PRKN: variants seen among roughly 807,000 people sequenced by gnomAD.
PRKN encodes the protein parkin RBR E3 ubiquitin protein ligase, also known as E3 ubiquitin-protein ligase parkin.
Under a neutral mutation model 59.5 loss-of-function variants are expected in PRKN, and 56 were observed. The ratio of observed to expected loss-of-function variants is 0.94; its 90% CI spans 0.76 to 1.18. PRKN has a LOEUF of 1.18. Among genes scored for constraint, PRKN ranks in the 50% most tolerant of loss-of-function variants. PRKN has a pLI of 0.00. For missense variants in PRKN, 657 were observed against 596.4 expected, an observed-to-expected ratio of 1.10 and a Z score of -1.06; for synonymous variants, 250 against 222.1, an observed-to-expected ratio of 1.13 and a Z score of -1.12.
chr6:162,672,551 T>G (rs1779364164), intron 1 of PRKN, among the ~76,000 whole-genome samples: 1 of 152,214 alleles, frequency 6.6e-6, no homozygotes, highest in South Asian at 2.1e-4. Flanking sequence ...TCATTAAAAC[T>G]GATTAAATAT....
rs569954269 is a variant in PRKN, at chr6:161,588,862, G to A, written c.872-19446C>T. On this transcript the variant is annotated intron_variant, in intron 7 of 11. Coordinates refer to ENST00000366898, the MANE Select transcript of PRKN (RefSeq NM_004562.3). This position sits in a 1 kb window ranked among gnomAD's most constrained non-coding sequence, Gnocchi z 5.0. The stretch of plus-strand genomic sequence containing the variant: ...AAATACAGGACACCCAGTTAAATTT[G>A]AGTTTCAGTAAAGTACCAAGTCCTT... Among the ~76,000 whole-genome samples the A allele has an allele frequency of 6.6e-5, 10 of 152,258 alleles. 1 individual carries two copies. In the South Asian group the frequency reaches 2.1e-3, roughly 32 times the overall value.
rs1779915341 is a variant in PRKN, at chr6:161,549,295, A to G, written c.934-292T>C. Among the ~76,000 whole-genome samples, 3 of 152,214 alleles carry G rather than the reference A, an allele frequency of 2.0e-5. No homozygotes were observed. On this transcript the variant is annotated intron_variant, in intron 8 of 11. Transcript: ENST00000366898. The surrounding 1 kb of genome is among the most constrained non-coding windows in gnomAD (Gnocchi z 6.0). The stretch of plus-strand genomic sequence containing the variant: ...TAGATTTTCCAAAGTTTTGTATTTT[A>G]TAAGATCGCTTCTACCAACTGTATT...
intron 7 of PRKN, among the ~76,000 whole-genome samples, chr6:161,651,580 G>A (rs1209317886): frequency 6.6e-6 from 1 of 152,204 alleles, no homozygotes; most frequent in African/African-American, 2.4e-5. Context: ...TCCAGGGGCT[G>A]TGAGTAGCAT....
chr6:162,075,527 T>C (rs1456468952), intron 4 of PRKN, among the ~76,000 whole-genome samples: 1 of 152,034 alleles, frequency 6.6e-6, no homozygotes, highest in East Asian at 1.9e-4. Flanking sequence ...TTATAAAAAG[T>C]CCACATTGTA....
At chr6:162,700,114 C>G (rs1043843356) in intron 1 of PRKN, among the ~76,000 whole-genome samples, 4 of 152,162 alleles carry the variant, frequency 2.6e-5, no homozygotes, top group Non-Finnish European at 5.9e-5. Context: ...TCTCTCCTTT[C>G]CCTATGAAGA....
intron 1 of PRKN, among the ~76,000 whole-genome samples, chr6:162,653,423 C>A (rs1430093992): frequency 1.3e-5 from 2 of 152,044 alleles, no homozygotes; most frequent in Non-Finnish European, 2.9e-5. Flanking sequence ...TTTTAAAAAT[C>A]AACTCATAAT....
intron 6 of PRKN, among the ~76,000 whole-genome samples, chr6:161,951,460 G>T (rs1779987330): frequency 6.6e-6 from 1 of 152,176 alleles, no homozygotes; most frequent in Admixed American, 6.5e-5. Context: ...GCCCAGGAGG[G>T]TGTCCCAAAG....
At position 161,957,403 on chromosome 6, in the gene PRKN, CTTG is replaced by C. The variant is rs1395871614; in HGVS notation, c.734+15896_734+15898del. Among the ~76,000 whole-genome samples the C allele has an allele frequency of 2.4e-4, 33 of 135,694 alleles. No homozygotes were observed. The East Asian group carries it at 5.3e-3, about 22-fold the overall frequency. 89.0% of individuals were successfully genotyped at this position (135,694 alleles called of 152,430 possible). Reference sequence around the variant, plus strand: ...TGTCTGTTTTTATTTTTTTGTTGTTCTTGTTGTTTTTTTTTTGTTTGTTTGTTT... The same window carrying C: ...TGTCTGTTTTTATTTTTTTGTTGTTCTTGTTTTTTTTTTGTTTGTTTGTTT... On this transcript the variant is annotated intron_variant, in intron 6 of 11. Transcript: ENST00000366898.
chr6:162,506,608 T>G (rs1793618301), intron 1 of PRKN, among the ~76,000 whole-genome samples: 1 of 151,998 alleles, frequency 6.6e-6, no homozygotes, highest in Admixed American at 6.6e-5. Flanking sequence ...GTGATTAAAG[T>G]TTAGGAAGAG....
rs1211446790 is a variant in PRKN, at chr6:161,355,350, C to T, written c.1285+4738G>A. Among the ~76,000 whole-genome samples, 1 of 152,152 alleles carries T rather than the reference C, an allele frequency of 6.6e-6. No individual in the cohort carries two copies. The highest frequency in any genetic ancestry group is 2.4e-5 in the African/African-American group (1 of 41,430). ...CTCTATGTTATTTTATTAAAAAGATCGGTTTATGTGTATATCTCTAAACTT... is the reference window on the plus strand; with the variant it reads ...CTCTATGTTATTTTATTAAAAAGATTGGTTTATGTGTATATCTCTAAACTT... On this transcript the variant is annotated intron_variant, in intron 11 of 11. Coordinates refer to ENST00000366898, the MANE Select transcript of PRKN (RefSeq NM_004562.3). This position sits in a 1 kb window ranked among gnomAD's most constrained non-coding sequence, Gnocchi z 6.8.
chr6:161,903,399 A>C (rs1313161965), intron 6 of PRKN, among the ~76,000 whole-genome samples: 1 of 152,174 alleles, frequency 6.6e-6, no homozygotes, highest in Non-Finnish European at 1.5e-5. Flanking sequence ...TCTGAGTCAA[A>C]AAGATGAATA....
At chr6:162,170,522 A>T (rs894375058) in intron 4 of PRKN, among the ~76,000 whole-genome samples, 1 of 152,234 alleles carries the variant, frequency 6.6e-6, no homozygotes, top group African/African-American at 2.4e-5. Context: ...TTTAGAAAAG[A>T]TATTATTTTC....
chr6:162,274,738 T>A (rs1194572542), intron 2 of PRKN, among the ~76,000 whole-genome samples: 1 of 152,138 alleles, frequency 6.6e-6, no homozygotes, highest in African/African-American at 2.4e-5. Context: ...GCCAGTTGCA[T>A]ATGGGTGGTA....
chr6:161,756,593 C>G (rs924377927), intron 7 of PRKN, among the ~76,000 whole-genome samples: 6 of 151,764 alleles, frequency 4.0e-5, no homozygotes, highest in African/African-American at 1.5e-4. Context: ...CTCTCTCTCT[C>G]TCCCCCTACC....
chr6:161,664,937 C>T (rs969077040), intron 7 of PRKN, among the ~76,000 whole-genome samples: 3 of 151,734 alleles, frequency 2.0e-5, no homozygotes, highest in South Asian at 2.1e-4. Flanking sequence ...TACAGGTGTG[C>T]ACCAGCACAC....
chr6:161,933,667 C>T (rs1350439186), intron 6 of PRKN, among the ~76,000 whole-genome samples: 3 of 151,892 alleles, frequency 2.0e-5, no homozygotes, highest in African/African-American at 7.3e-5. Flanking sequence ...GCTCACAGTT[C>T]CCCTGCAGAC....
intron 2 of PRKN, among the ~76,000 whole-genome samples, chr6:162,266,881 A>C (rs1370732313): frequency 6.6e-6 from 1 of 152,326 alleles, no homozygotes; most frequent in East Asian, 1.9e-4. Context: ...GTTTAGCTGC[A>C]CACTTCTGTT....
At chr6:162,329,461 C>T (rs562048382) in intron 2 of PRKN, among the ~76,000 whole-genome samples, 7 of 152,044 alleles carry the variant, frequency 4.6e-5, no homozygotes, top group South Asian at 2.1e-4. Context: ...GCAGCAGTAC[C>T]GGGTTGGAAG....
At chr6:162,333,091 T>G (rs190533658) in intron 2 of PRKN, among the ~76,000 whole-genome samples, 2 of 152,274 alleles carry the variant, frequency 1.3e-5, no homozygotes, top group Admixed American at 1.3e-4. Flanking sequence ...TTTGCCCTGT[T>G]ACTATACTTT....
Sources: allele counts gnomAD v4.1 joint callset (sites outside exome capture counted in the v4.1 genomes callset), GRCh38; gene constraint gnomAD v4.1.1; non-coding constraint Gnocchi (gnomAD v3.1); transcripts MANE v1.5; gene names NCBI Gene and HGNC (gene_info 2026-07-23, HGNC 2026-07-21).